Variants in RFX7 observed in about 807,000 individuals in gnomAD.
RFX7 encodes the protein regulatory factor X7.
RFX7 carries 26 observed loss-of-function variants against 111.8 expected under a neutral mutation model. That is an observed-to-expected ratio of 0.23 (90% CI 0.17 to 0.32). RFX7 has a LOEUF of 0.32. RFX7 is among the 10% of genes least tolerant of loss of function. RFX7 has a pLI of 1.00. For synonymous variants in RFX7, 624 were observed against 624.4 expected (o/e 1.00, Z 0.01); for missense variants, 1,573 against 1,772.9 (o/e 0.89, Z 2.02).
intron 2 of RFX7, among the ~76,000 whole-genome samples, chr15:56,231,823 G>A (rs1186057254): frequency 6.6e-6 from 1 of 152,180 alleles, no homozygotes; most frequent in Non-Finnish European, 1.5e-5. Context: ...TACAATGGGG[G>A]TACAGGCATT....
At position 56,094,013 on chromosome 15, in the gene RFX7, C is replaced by T. The variant is rs1293190919; in HGVS notation, c.3715G>A (p.Ala1239Thr). 22 of 1,613,784 alleles carry T rather than the reference C, an allele frequency of 1.4e-5. No individual in the cohort carries two copies. The highest frequency in any genetic ancestry group is 1.9e-5 in the Non-Finnish European group (22 of 1,179,866). The change falls in exon 10 of 10, where the codon GCT (alanine) becomes ACT (threonine). Residue 1239 changes from alanine (A) to threonine (T), a missense_variant. Around this residue, in one of 7 missense-constraint regions of RFX7, gnomAD observed 411 missense variants for 478.1 expected, o/e 0.86. Transcript: ENST00000559447. ...TVMMQTAFPNALQKQANSKKI... is the reference protein window; with the variant it reads ...TVMMQTAFPNTLQKQANSKKI... ...TTACTGTTTGCTTGCTTCTGAAGAG[C>T]GTTTGGGAAGGCTGTCTGCATCATG...
In RFX7 at chr15:56,096,060, A is replaced by G. The variant is rs755929620; in HGVS notation, c.1668T>C (p.Ser556=). 1.9e-6 allele frequency: 3 copies of G among 1,613,332 alleles called. No individual in the cohort carries two copies. The highest frequency in any genetic ancestry group is 2.7e-5 in the African/African-American group (2 of 74,884). Residue 556 remains serine (S), a synonymous_variant, in exon 10 of 10, where the codon TCT becomes TCC. Transcript: ENST00000559447. ...DEHPVQCQEN[S]DEAKAPQTPS... ...GTGTCTGGGGAGCTTTAGCCTCATCAGAGTTCTCTTGGCACTGTACAGGAT... is the reference window on the plus strand; with the variant it reads ...GTGTCTGGGGAGCTTTAGCCTCATCGGAGTTCTCTTGGCACTGTACAGGAT...
chr15:56,157,103 T>C (rs2042662327), intron 3 of RFX7, among the ~76,000 whole-genome samples: 1 of 152,238 alleles, frequency 6.6e-6, no homozygotes, highest in Admixed American at 6.5e-5. Context: ...TCAGGCAGTC[T>C]GGATACTAAT....
chr15:56,134,022 A>C (rs2042254099), intron 5 of RFX7, among the ~76,000 whole-genome samples: 1 of 152,194 alleles, frequency 6.6e-6, no homozygotes, highest in South Asian at 2.1e-4. Flanking sequence ...ACCAAGTGGA[A>C]GTCCTGGCCA....
chr15:56,141,970 C>G (rs531393181), intron 5 of RFX7, among the ~76,000 whole-genome samples: 11 of 152,132 alleles, frequency 7.2e-5, no homozygotes, highest in Admixed American at 4.6e-4. Flanking sequence ...CCAATAATCT[C>G]AATAAGTACA....
At chr15:56,229,159 T>G (rs564593637) in intron 2 of RFX7, among the ~76,000 whole-genome samples, 6 of 152,318 alleles carry the variant, frequency 3.9e-5, no homozygotes, top group African/African-American at 1.4e-4. Flanking sequence ...TTTTGGTCTG[T>G]GGTTGACTGC....
intron 5 of RFX7, among the ~76,000 whole-genome samples, chr15:56,137,856 C>T (rs866701171): frequency 2.0e-5 from 3 of 151,934 alleles, no homozygotes; most frequent in African/African-American, 7.3e-5. Context: ...TTATTTCTGC[C>T]TTCATTTCAT....
chr15:56,202,782 A>C (rs2043206252), intron 2 of RFX7, among the ~76,000 whole-genome samples: 1 of 152,246 alleles, frequency 6.6e-6, no homozygotes, highest in African/African-American at 2.4e-5. Flanking sequence ...ACTGCACTCC[A>C]GTCTGGGCGA....
intron 5 of RFX7, among the ~76,000 whole-genome samples, chr15:56,132,027 C>A (rs572162837): frequency 2.0e-5 from 3 of 150,826 alleles, no homozygotes; most frequent in Non-Finnish European, 3.0e-5. Flanking sequence ...TAGAAATTAC[C>A]GAGGATTATG....
Position 56,093,895 on chromosome 15 carries a change from G to A in RFX7, c.3833C>T (p.Thr1278Ile), listed in dbSNP as rs1312425274. The A allele has an allele frequency of 6.2e-7, 1 of 1,613,962 alleles. No homozygotes were observed. The highest frequency in any genetic ancestry group is 8.5e-7 in the Non-Finnish European group (1 of 1,179,866). ...AATCTGAGTGAGATTCATCCGGGCT[G>A]TATAATTAGAGGGCAGGTTGTTCAT... is the stretch of plus-strand genomic sequence containing the variant. Reference protein sequence around the residue: ...LGMNNLPSNYTARMNLTQILE... With the variant: ...LGMNNLPSNYIARMNLTQILE... Residue 1278 changes from threonine to isoleucine, a missense_variant, in exon 10 of 10, where the codon ACA (threonine) becomes ATA (isoleucine). Transcript: ENST00000559447.
intron 2 of RFX7, 69 bp downstream of exon 2, chr15:56,243,056 G>A (rs61587652): frequency 1.9e-6 from 1 of 520,784 alleles, no homozygotes; most frequent in South Asian, 1.7e-5. Context: ...CCCGCCCGCC[G>A]CCCCCCACCC....
intron 3 of RFX7, among the ~76,000 whole-genome samples, chr15:56,161,907 T>C (rs1217361190): frequency 6.6e-6 from 1 of 152,052 alleles, no homozygotes; most frequent in African/African-American, 2.4e-5. Flanking sequence ...AGAACACATC[T>C]TCCCATTGTT....
At chr15:56,108,277 C>T (rs1431628297) in intron 5 of RFX7, among the ~76,000 whole-genome samples, 14 of 152,166 alleles carry the variant, frequency 9.2e-5, no homozygotes, top group Admixed American at 3.9e-4. Context: ...GTATCCCTGA[C>T]GAACATCAAT....
chr15:56,093,966 C>G lies in RFX7; in HGVS notation c.3762G>C (p.Leu1254Phe). ...CATCATTGTCGGAATCAAGTTTACTCAACAAAACATTGGTTATTTTTTTAC... is the reference window on the plus strand; with the variant it reads ...CATCATTGTCGGAATCAAGTTTACTGAACAAAACATTGGTTATTTTTTTAC... Reference protein sequence around the residue: ...ANSKKITNVLLSKLDSDNDDA... With the variant: ...ANSKKITNVLFSKLDSDNDDA... The change falls in exon 10 of 10, where the codon TTG (leucine) becomes TTC (phenylalanine). Residue 1254 changes from leucine (L) to phenylalanine (F), a missense_variant. This residue lies in a region of RFX7 where 411 missense variants were observed against 478.1 expected (regional missense o/e 0.86). Coordinates refer to ENST00000559447, the MANE Select transcript of RFX7 (RefSeq NM_022841.7). 6.2e-7 allele frequency: 1 copy of G among 1,613,936 alleles called. No homozygotes were observed. Among genetic ancestry groups the G allele is most frequent in the Non-Finnish European group, 8.5e-7 (1 of 1,179,880 alleles).
At chr15:56,230,390 A>C (rs1206715288) in intron 2 of RFX7, among the ~76,000 whole-genome samples, 1 of 152,224 alleles carries the variant, frequency 6.6e-6, no homozygotes, top group African/African-American at 2.4e-5. Context: ...ACAAATGATT[A>C]CTTCAGTTTC....
At chr15:56,193,182 T>C (rs754400490) in intron 2 of RFX7, 7 of 202,018 alleles carry the variant, frequency 3.5e-5, no homozygotes, top group Non-Finnish European at 7.7e-5. Context: ...ATGACCATCA[T>C]GTGCTTGATG....
At chr15:56,121,100 T>C (rs2042072725) in intron 5 of RFX7, among the ~76,000 whole-genome samples, 1 of 152,240 alleles carries the variant, frequency 6.6e-6, no homozygotes, top group Non-Finnish European at 1.5e-5. Context: ...TACCTTCAGA[T>C]GATGTCTTAC....
intron 8 of RFX7, 94 bp from the exon 9 acceptor site, chr15:56,098,470 GA>G: frequency 7.4e-7 from 1 of 1,352,076 alleles, no homozygotes; most frequent in Non-Finnish European, 9.9e-7. Context: ...CCATCTACTG[GA>G]CAAAGCAACC....
Position 56,125,732 on chromosome 15 carries a change from A to C in RFX7, c.401+17046T>G, listed in dbSNP as rs12438452. Among the ~76,000 whole-genome samples the C allele has an allele frequency of 1.3e-5, 2 of 152,040 alleles. 1 individual carries two copies. The highest frequency in any genetic ancestry group is 2.9e-5 in the Non-Finnish European group (2 of 67,978). On this transcript the variant is annotated intron_variant, in intron 5 of 9. Coordinates refer to ENST00000559447, the MANE Select transcript of RFX7 (RefSeq NM_022841.7). The stretch of plus-strand genomic sequence containing the variant: ...CAGTTTTTAATCTTAAAAAAGCATG[A>C]TATTTTTCCATTTTACAAAAGGATA...
Sources: allele counts gnomAD v4.1 joint callset (sites outside exome capture counted in the v4.1 genomes callset), GRCh38; gene constraint gnomAD v4.1.1; regional missense constraint gnomAD v4.1.1; transcripts MANE v1.5; gene names NCBI Gene and HGNC (gene_info 2026-07-23, HGNC 2026-07-21).